Variants in MEI1 observed in about 807,000 individuals in gnomAD.
The protein encoded by MEI1 is meiosis inhibitor protein 1.
In MEI1, 103 loss-of-function variants were observed where a neutral mutation model predicts 146.2. The ratio of observed to expected loss-of-function variants is 0.70; its 90% CI spans 0.60 to 0.83. The LOEUF is 0.83. Among genes scored for constraint, MEI1 ranks in the 40% least tolerant of loss-of-function variants. The pLI, the probability that MEI1 is intolerant of heterozygous loss-of-function variation, is 0.00. For missense variants in MEI1, 1,529 were observed against 1,533.0 expected (o/e 1.00, Z 0.04); for synonymous variants, 652 against 628.2 (o/e 1.04, Z -0.57).
chr22:41,776,149 T>G lies in MEI1; in HGVS notation c.2592T>G (p.Ile864Met). The G allele has an allele frequency of 6.2e-7, 1 of 1,613,962 alleles. No individual in the cohort carries two copies. The highest frequency in any genetic ancestry group is 8.5e-7 in the Non-Finnish European group (1 of 1,179,840). Residue 864 changes from isoleucine to methionine, a missense_variant, in exon 21 of 31, where the codon ATT (isoleucine) becomes ATG (methionine). Ile to Met is a conservative substitution (Grantham distance 10). Coordinates refer to ENST00000401548, the MANE Select transcript of MEI1 (RefSeq NM_152513.4). ...TGGACACAGCTCACAAGGTACTGAT[T>G]AGCCTGAGGACCTTCCTGAGGAGGA... ...SPVDTAHKVL[I>M]SLRTFLRRNE...
At chr22:41,736,641 C>T (rs1458696963) in intron 11 of MEI1, among the ~76,000 whole-genome samples, 1 of 152,020 alleles carries the variant, frequency 6.6e-6, no homozygotes, top group Non-Finnish European at 1.5e-5. Flanking sequence ...GTGATCCTCC[C>T]ACTTTGACCT....
At chr22:41,784,958 CAG>C (rs928049727) in intron 26 of MEI1, among the ~76,000 whole-genome samples, 175 bp downstream of exon 26, 7 of 126,272 alleles carry the variant, frequency 5.5e-5, no homozygotes, top group Non-Finnish European at 9.2e-5. Flanking sequence ...TATTTAGAGA[CAG>C]AGTTTCGCTC....
Position 41,730,539 on chromosome 22 carries a change from T to C in MEI1, c.998T>C (p.Leu333Pro). 6.2e-7 allele frequency: 1 copy of C among 1,613,470 alleles called. No individual in the cohort carries two copies. The highest frequency in any genetic ancestry group is 8.5e-7 in the Non-Finnish European group (1 of 1,179,408). The stretch of plus-strand genomic sequence containing the variant: ...TTGTTAGAGTTCCTCTTTGAGCATC[T>C]TTCTTCTTCCAGTGAAGTGCTCGTC... ...ADIPEFLFEH[L>P]SSSSEVLVWS... Residue 333 changes from leucine (L) to proline (P), a missense_variant, in exon 9 of 31, where the codon CTT (leucine) becomes CCT (proline). By Grantham distance (98) the Leu-to-Pro change is moderately conservative. Transcript: ENST00000401548.
intron 3 of MEI1, among the ~76,000 whole-genome samples, chr22:41,711,976 C>T (rs113634812): frequency 0.067 from 10,078 of 151,288 alleles, 1,076 homozygotes; most frequent in African/African-American, 0.23. Flanking sequence ...CCAAGGCGGG[C>T]GGATCACCTG....
chr22:41,700,749 A>ATTTTTTTT lies in MEI1; in HGVS notation c.174+1056_174+1063dup, dbSNP rs78862314. Among the ~76,000 whole-genome samples, 2 of 117,640 alleles carry ATTTTTTTT rather than the reference A, an allele frequency of 1.7e-5. 1 individual carries two copies. Among genetic ancestry groups the ATTTTTTTT allele is most frequent in the African/African-American group, 7.6e-5 (2 of 26,298 alleles). 77.2% of individuals were successfully genotyped at this position (117,640 alleles called of 152,430 possible). A position where few individuals can be genotyped will look rare whatever the true frequency, so the allele number is the denominator to read the frequency against. On this transcript the variant is annotated intron_variant, in intron 1 of 30. Coordinates refer to ENST00000401548, the MANE Select transcript of MEI1 (RefSeq NM_152513.4). ...GGATTGGCTAGATCAGCAGTTCTCAATTTTTTTTTTTTTTTTTTTTTTTTT... is the reference window on the plus strand; with the variant it reads ...GGATTGGCTAGATCAGCAGTTCTCAATTTTTTTTTTTTTTTTTTTTTTTTTTTTTTTTT...
intron 6 of MEI1, 71 bp downstream of exon 6, chr22:41,718,345 G>C (rs1274852078): frequency 1.4e-6 from 2 of 1,463,348 alleles, no homozygotes; most frequent in East Asian, 4.8e-5. Context: ...TGAGATATTG[G>C]GTTCTCTAGT....
At chr22:41,711,483 C>T (rs1405048692) in intron 3 of MEI1, among the ~76,000 whole-genome samples, 1 of 152,234 alleles carries the variant, frequency 6.6e-6, no homozygotes, top group Non-Finnish European at 1.5e-5. Flanking sequence ...GGCTACAATC[C>T]TGCAGCCATC....
At chr22:41,762,201 G>A (rs1372716023) in intron 18 of MEI1, among the ~76,000 whole-genome samples, 3 of 151,958 alleles carry the variant, frequency 2.0e-5, no homozygotes, top group African/African-American at 7.3e-5. Flanking sequence ...GTGAGCCACT[G>A]CACCTGGCCT....
intron 6 of MEI1, among the ~76,000 whole-genome samples, chr22:41,721,479 C>T (rs1171126858): frequency 2.6e-5 from 4 of 151,630 alleles, no homozygotes; most frequent in African/African-American, 4.8e-5. Flanking sequence ...CTCCTGACCT[C>T]GTGATTCGCC....
Position 41,746,291 on chromosome 22 carries a change from A to G in MEI1, c.1680+265A>G, listed in dbSNP as rs1469568345. Among the ~76,000 whole-genome samples the G allele has an allele frequency of 2.6e-5, 4 of 152,212 alleles. No individual in the cohort carries two copies. The East Asian group carries it at 7.7e-4, about 29-fold the overall frequency. ...TAAGTTTATGGAGTGGAAAGTGCCT[A>G]ATATTCACTATCTGATTTAGTTCTC... On this transcript the variant is annotated intron_variant, in intron 14 of 30. Transcript: ENST00000401548.
At chr22:41,760,826 C>G (rs2074437122) in intron 18 of MEI1, among the ~76,000 whole-genome samples, 2 of 152,316 alleles carry the variant, frequency 1.3e-5, no homozygotes, top group East Asian at 1.9e-4. Flanking sequence ...TTCTTCCATA[C>G]AATGCCTGAA....
rs767713885 is a variant in MEI1 at position 41,799,324 on chromosome 22, G to T, written c.*25G>T. The stretch of plus-strand genomic sequence containing the variant: ...ATCCTCAGGACTTGAAGGCCCAGAA[G>T]TGGAGAGAGAATGAGACCTGGAGAC... On this transcript the variant is annotated 3_prime_UTR_variant, in exon 31 of 31. Transcript: ENST00000401548. 5.3e-5 allele frequency: 85 copies of T among 1,612,038 alleles called. No individual in the cohort carries two copies. The highest frequency in any genetic ancestry group is 7.1e-5 in the Non-Finnish European group (84 of 1,178,510).
intron 21 of MEI1, among the ~76,000 whole-genome samples, chr22:41,777,731 G>A (rs1258166968): frequency 6.6e-6 from 1 of 152,086 alleles, no homozygotes; most frequent in Admixed American, 6.5e-5. Context: ...CAGTTTTGGG[G>A]GCTGGGAAAT....
At position 41,732,486 on chromosome 22, in the gene MEI1, A is replaced by G. The variant is rs1344831703; in HGVS notation, c.1214A>G (p.Lys405Arg). 6.2e-7 allele frequency: 1 copy of G among 1,613,926 alleles called. No individual in the cohort carries two copies. Among genetic ancestry groups the G allele is most frequent in the Admixed American group, 1.7e-5 (1 of 60,014 alleles). Residue 405 changes from lysine (K) to arginine (R), a missense_variant, in exon 11 of 31, where the codon AAG becomes AGG. Coordinates refer to ENST00000401548, the MANE Select transcript of MEI1 (RefSeq NM_152513.4). ...TTTCTCAGGCAGCCAGAGGAGATCA[A>G]GCTGTTCACAAGCTCAGCCATGTGC... The part of the protein sequence containing the change: ...EILTRQPEEI[K>R]LFTSSAMCRD...
At position 41,715,690 on chromosome 22, in the gene MEI1, G is replaced by A. The variant is rs895926865; in HGVS notation, c.424-351G>A. Among the ~76,000 whole-genome samples, 6 of 152,116 alleles carry A rather than the reference G, an allele frequency of 3.9e-5. No individual in the cohort carries two copies. The East Asian group carries it at 5.8e-4, about 15-fold the overall frequency. On this transcript the variant is annotated intron_variant, in intron 4 of 30. Transcript: ENST00000401548. ...GATTACAGCGTGAGCCACCACGCCT[G>A]GCCAACAATAATTTTTTTTTTTTGC...
Position 41,781,413 on chromosome 22 carries a change from G to T in MEI1, c.2926+19G>T. ...AAAAGAGGTGCAGGGGCCCGGGCTG[G>T]GACAGTGAAGAGTGCTGGGCAGTCT... On this transcript the variant is annotated intron_variant, in intron 23 of 30. Transcript: ENST00000401548. 1 of 1,581,586 alleles carries T rather than the reference G, an allele frequency of 6.3e-7. No individual in the cohort carries two copies.
chr22:41,795,919 A>G lies in MEI1; in HGVS notation c.3779+72A>G. On this transcript the variant is annotated intron_variant, in intron 30 of 30. Transcript: ENST00000401548. The surrounding 1 kb of genome is among the most constrained non-coding windows in gnomAD (Gnocchi z 4.2). The stretch of plus-strand genomic sequence containing the variant: ...TGTTTGGGGCTTCTCTTCCTGGGCC[A>G]GTTTATGCGGTACCGGAGTAGCAGT... 1.2e-6 allele frequency: 2 copies of G among 1,611,530 alleles called. No homozygotes were observed. The highest frequency in any genetic ancestry group is 1.1e-5 in the South Asian group (1 of 90,886).
At chr22:41,721,237 C>CTGTTTTTTTTT (rs2070763033) in intron 6 of MEI1, among the ~76,000 whole-genome samples, 1 of 70,484 alleles carries the variant, frequency 1.4e-5, no homozygotes, top group African/African-American at 6.9e-5. Flanking sequence ...CACGCCCGTT[C>CTGTTTTTTTTT]TTTTTTTTTT....
intron 19 of MEI1, among the ~76,000 whole-genome samples, chr22:41,767,118 G>T (rs567971762): frequency 6.6e-6 from 1 of 152,160 alleles, no homozygotes; most frequent in African/African-American, 2.4e-5. Flanking sequence ...CAGGAGGCTC[G>T]TGGACGTCTT....
Sources: gnomAD v4.1 joint callset for allele counts (sites outside exome capture counted in the v4.1 genomes callset) on GRCh38, gnomAD v4.1.1 for gene constraint, Gnocchi (gnomAD v3.1) non-coding constraint, MANE v1.5 for transcripts, NCBI Gene and HGNC (gene_info 2026-07-23, HGNC 2026-07-21) for gene names.